The following AMOT variants were observed in gnomAD, a reference collection of about 807,000 sequenced individuals.
The protein encoded by AMOT is angiomotin.
AMOT carries 11 observed loss-of-function variants against 67.0 expected under a neutral mutation model. The observed-to-expected ratio is 0.16, with a 90% CI of 0.10 to 0.27. The LOEUF (loss-of-function observed/expected upper bound fraction) is 0.27. AMOT is among the 10% of genes least tolerant of loss of function. AMOT has a pLI of 1.00. For synonymous variants in AMOT, 326 were observed against 321.4 expected (o/e 1.01, Z -0.15); for missense variants, 753 against 852.0 (o/e 0.88, Z 1.45).
intron 8 of AMOT, among the ~76,000 whole-genome samples, chrX:112,793,079 G>A (rs964640364): frequency 2.7e-5 from 3 of 109,753 alleles, no homozygotes; most frequent in Non-Finnish European, 3.8e-5. Flanking sequence ...TATGCTTCTC[G>A]TAATACTTGT....
chrX:112,827,192 GT>G (rs746278573), intron 2 of AMOT, among the ~76,000 whole-genome samples: 10 of 112,564 alleles, frequency 8.9e-5, no homozygotes, highest in Non-Finnish European at 1.5e-4. Context: ...ATCACTTTAT[GT>G]TAACTGGACA....
At chrX:112,804,894 G>A (rs890052082) in intron 8 of AMOT, 53 bp downstream of exon 8, 77 of 1,121,381 alleles carry the variant, frequency 6.9e-5, no homozygotes, top group Admixed American at 6.7e-5. Flanking sequence ...CAGTGTCCCC[G>A]ATTTCCCAGC....
intron 8 of AMOT, 59 bp from the exon 9 acceptor site, chrX:112,792,040 C>G: frequency 8.6e-7 from 1 of 1,159,703 alleles, no homozygotes; most frequent in African/African-American, 1.8e-5. Context: ...GCAACAGGGT[C>G]AATTATGTAT....
At chrX:112,787,659 C>T (rs1312110365) in intron 10 of AMOT, among the ~76,000 whole-genome samples, 1 of 110,660 alleles carries the variant, frequency 9.0e-6, no homozygotes, top group African/African-American at 3.3e-5. Flanking sequence ...TAATATGTAA[C>T]CAATATCATA....
intron 8 of AMOT, among the ~76,000 whole-genome samples, chrX:112,795,248 C>CGTG (rs1569395400): frequency 3.8e-5 from 4 of 104,196 alleles, no homozygotes; most frequent in African/African-American, 1.4e-4. Context: ...GTCTCTCTCT[C>CGTG]TGTGTGTGTG....
At chrX:112,792,034 C>A (rs776649639) in intron 8 of AMOT, 53 bp from the exon 9 acceptor site, 2 of 1,181,067 alleles carry the variant, frequency 1.7e-6, no homozygotes, top group African/African-American at 3.5e-5. Context: ...CAGCAAGCAA[C>A]AGGGTCAATT....
chrX:112,822,670 T>C lies in AMOT; in HGVS notation c.457A>G (p.Asn153Asp). 1 of 1,166,648 alleles carries C rather than the reference T, an allele frequency of 8.6e-7. No homozygotes were observed. Among genetic ancestry groups the C allele is most frequent in the South Asian group, 1.9e-5 (1 of 52,683 alleles). The stretch of plus-strand genomic sequence containing the variant: ...TCATCTTGGTGCATCTTTCCAGGAT[T>C]GAGCCGCTGAACTGATGGGCGTCCC... Reference protein sequence around the residue: ...TEGRPSVQRLNPGKMHQDEGL... With the variant: ...TEGRPSVQRLDPGKMHQDEGL... The change falls in exon 4 of 14, where the codon AAT becomes GAT. Residue 153 changes from asparagine (N) to aspartate (D), a missense_variant. Physicochemically the swap from Asn to Asp is conservative, Grantham distance 23 (BLOSUM62 1). Around this residue, in one of 5 missense-constraint regions of AMOT, gnomAD observed 118 missense variants for 125.9 expected, o/e 0.94. Transcript: ENST00000371959.
intron 1 of AMOT, among the ~76,000 whole-genome samples, chrX:112,837,296 G>A (rs1935153806): frequency 9.0e-6 from 1 of 111,591 alleles, no homozygotes; most frequent in African/African-American, 3.3e-5. Context: ...GCCAAATAAT[G>A]GCCTCACTTA....
chrX:112,828,992 C>T (rs895302996), intron 2 of AMOT, among the ~76,000 whole-genome samples: 2 of 112,034 alleles, frequency 1.8e-5, no homozygotes, highest in African/African-American at 6.5e-5. Context: ...TTTGCAAATT[C>T]GCTTTTTAGG....
chrX:112,793,236 C>T (rs1933678196), intron 8 of AMOT, among the ~76,000 whole-genome samples: 1 of 111,122 alleles, frequency 9.0e-6, no homozygotes, highest in Admixed American at 9.6e-5. Context: ...CTTCACTCTT[C>T]AGATTAAAAT....
At chrX:112,828,529 C>G (rs1934900744) in intron 2 of AMOT, among the ~76,000 whole-genome samples, 1 of 104,794 alleles carries the variant, frequency 9.5e-6, no homozygotes, top group Non-Finnish European at 1.9e-5. Flanking sequence ...TAGAAGTGTA[C>G]AGCAATTTTA....
intron 9 of AMOT, among the ~76,000 whole-genome samples, chrX:112,791,141 A>G (rs1933562283): frequency 9.1e-6 from 1 of 110,143 alleles, no homozygotes; most frequent in Admixed American, 9.7e-5. Flanking sequence ...GCACTTTGGG[A>G]GTCTGAGGCA....
rs1031176107 is a variant in AMOT, at chrX:112,776,644, CA to C, written c.*1922del. 1 of 111,533 alleles carries C rather than the reference CA, an allele frequency of 9.0e-6. No individual in the cohort carries two copies. The highest frequency in any genetic ancestry group is 1.9e-5 in the Non-Finnish European group (1 of 53,017). 9.2% of individuals were successfully genotyped at this position (111,533 alleles called of 1,213,427 possible). ...CATTCCTATACTCACAGAGGAACCC[CA>C]AAAGATTATCTAAGATACCCAATCT... On this transcript the variant is annotated 3_prime_UTR_variant, in exon 14 of 14. Transcript: ENST00000371959.
At position 112,790,796 on chromosome X, in the gene AMOT, T is replaced by C. The variant is rs1213341402; in HGVS notation, c.1927-14A>G. The C allele has an allele frequency of 8.7e-7, 1 of 1,154,852 alleles. No individual in the cohort carries two copies. The highest frequency in any genetic ancestry group is 1.2e-6 in the Non-Finnish European group (1 of 867,195). On this transcript the variant is annotated splice_polypyrimidine_tract_variant and intron_variant, in intron 9 of 13. Transcript: ENST00000371959. ...GTTGCCCTGACGCTGTTGGGGCAGATGCAGAGAACCCTCAAGTTAGTGAGA... is the reference window on the plus strand; with the variant it reads ...GTTGCCCTGACGCTGTTGGGGCAGACGCAGAGAACCCTCAAGTTAGTGAGA...
chrX:112,827,254 T>C (rs774552114), intron 2 of AMOT, among the ~76,000 whole-genome samples: 1 of 112,768 alleles, frequency 8.9e-6, no homozygotes, highest in South Asian at 3.7e-4. Context: ...TTGTCTCTTG[T>C]TTAAAAAAGA....
chrX:112,801,250 G>A (rs1019279966), intron 8 of AMOT, among the ~76,000 whole-genome samples: 1 of 111,427 alleles, frequency 9.0e-6, no homozygotes. Flanking sequence ...CTTTGAATGG[G>A]AGAATACCGT....
At chrX:112,784,173 C>G (rs1421904555) in intron 10 of AMOT, among the ~76,000 whole-genome samples, 2 of 112,057 alleles carry the variant, frequency 1.8e-5, no homozygotes, top group South Asian at 7.5e-4. Flanking sequence ...TTCTCTAGTG[C>G]AATTCACTGG....
At position 112,779,488 on chromosome X, in the gene AMOT, G is replaced by A. The variant is rs1933059422; in HGVS notation, c.2666C>T (p.Ala889Val). Reference protein sequence around the residue: ...APISVPAPVAAAATAAAITAT... With the variant: ...APISVPAPVAVAATAAAITAT... ...AGTGATGGCGGCAGCAGTGGCGGCA[G>A]CAGCAACTGGAGCAGGAACAGAGAT... The change falls in exon 13 of 14, where the codon GCT becomes GTT. Residue 889 changes from alanine (A) to valine (V), a missense_variant. Physicochemically the swap from Ala to Val is moderately conservative, Grantham distance 64 (BLOSUM62 0). Transcript: ENST00000371959. The A allele has an allele frequency of 8.3e-6, 10 of 1,207,786 alleles. No homozygotes were observed. Among genetic ancestry groups the A allele is most frequent in the Non-Finnish European group, 1.1e-5 (10 of 893,592 alleles).
At chrX:112,837,954 G>A (rs1034712076) in intron 1 of AMOT, among the ~76,000 whole-genome samples, 1 of 111,437 alleles carries the variant, frequency 9.0e-6, no homozygotes, top group East Asian at 2.8e-4. Context: ...GCTCCAGTAC[G>A]ACCACACACA....
Sources: gnomAD v4.1 joint callset for allele counts (sites outside exome capture counted in the v4.1 genomes callset) on GRCh38, gnomAD v4.1.1 for gene constraint, gnomAD v4.1.1 regional missense constraint, MANE v1.5 for transcripts, NCBI Gene and HGNC (gene_info 2026-07-23, HGNC 2026-07-21) for gene names.